The following RB1CC1 variants were observed in gnomAD, a reference collection of about 807,000 sequenced individuals.
RB1CC1 encodes RB1-inducible coiled-coil protein 1.
Under a neutral mutation model 177.5 loss-of-function variants are expected in RB1CC1, and 46 were observed. That is an observed-to-expected ratio of 0.26 (90% CI 0.20 to 0.33). RB1CC1 has a LOEUF of 0.33. RB1CC1 is among the 10% of genes least tolerant of loss of function. The pLI, the probability that RB1CC1 is intolerant of heterozygous loss-of-function variation, is 1.00. For synonymous variants in RB1CC1, 666 were observed against 613.6 expected (o/e 1.09, Z -1.26); for missense variants, 1,703 against 1,816.3 (o/e 0.94, Z 1.13).
chr8:52,627,414 G>T (rs1848473928), intron 22 of RB1CC1, among the ~76,000 whole-genome samples: 1 of 152,136 alleles, frequency 6.6e-6, no homozygotes, highest in Non-Finnish European at 1.5e-5. Flanking sequence ...AGTCCAATTA[G>T]ATTAGGAACA....
At chr8:52,650,009 T>C (rs1433571197) in intron 15 of RB1CC1, among the ~76,000 whole-genome samples, 1 of 152,230 alleles carries the variant, frequency 6.6e-6, no homozygotes, top group Non-Finnish European at 1.5e-5. Flanking sequence ...TCTGTCCATT[T>C]TTCTAACAGA....
At chr8:52,630,695 T>C (rs551300576) in intron 20 of RB1CC1, among the ~76,000 whole-genome samples, 167 bp from the exon 21 acceptor site, 2 of 152,262 alleles carry the variant, frequency 1.3e-5, no homozygotes, top group South Asian at 4.1e-4. Flanking sequence ...ATTTCAACCA[T>C]TAGTAAATTT....
chr8:52,708,468 G>C (rs553005404), intron 1 of RB1CC1, among the ~76,000 whole-genome samples: 1 of 152,186 alleles, frequency 6.6e-6, no homozygotes, highest in Non-Finnish European at 1.5e-5. Context: ...AGTAAGTTGA[G>C]ATCACACCAC....
intron 15 of RB1CC1, among the ~76,000 whole-genome samples, chr8:52,652,338 C>G (rs1004750832): frequency 6.6e-6 from 1 of 151,754 alleles, no homozygotes; most frequent in Admixed American, 6.6e-5. Context: ...TGGTGTCACG[C>G]ACCTGTAGTC....
At chr8:52,695,271 CATTT>C (rs1435148135) in intron 1 of RB1CC1, among the ~76,000 whole-genome samples, 5 of 152,296 alleles carry the variant, frequency 3.3e-5, no homozygotes, top group Middle Eastern at 3.4e-3. Flanking sequence ...TTCCATAAAA[CATTT>C]ATTCCATAGC....
rs148508938 is a variant in RB1CC1 at position 52,656,646 on chromosome 8, C to T, written c.3183G>A (p.Glu1061=). 1.8e-5 allele frequency: 29 copies of T among 1,613,894 alleles called. No individual in the cohort carries two copies. The African/African-American group carries it at 3.6e-4, about 20-fold the overall frequency. ...CTGCTTCCTTCAACGCAAGTTCAACCTCTAACTTGCATCTCGTGTCTGACA... is the reference window on the plus strand; with the variant it reads ...CTGCTTCCTTCAACGCAAGTTCAACTTCTAACTTGCATCTCGTGTCTGACA... ...SDLSDTRCKL[E]VELALKEAET... is the part of the protein sequence containing the mutation. Residue 1061 remains glutamate (E), a synonymous_variant, in exon 15 of 24, where the codon GAG becomes GAA. Coordinates refer to ENST00000025008, the MANE Select transcript of RB1CC1 (RefSeq NM_014781.5).
At chr8:52,700,629 C>T (rs2150688169) in intron 1 of RB1CC1, among the ~76,000 whole-genome samples, 1 of 152,294 alleles carries the variant, frequency 6.6e-6, no homozygotes, top group South Asian at 2.1e-4. Flanking sequence ...ATCTTATTTG[C>T]AGCCAATCCA....
rs139586081 is a variant in RB1CC1 at position 52,661,549 on chromosome 8, T to C, written c.1344A>G (p.Leu448=). ...GAATCACTTACTTCAGTCTGACATG[T>C]AGGTTATTTGCTAGTTCTTGTTTGG... is the stretch of plus-strand genomic sequence containing the variant. ...TTAKQELANN[L]HVRLKWCCFV... is the part of the protein sequence containing the mutation. Residue 448 remains leucine, a synonymous_variant, in exon 9 of 24, where the codon CTA becomes CTG. Coordinates refer to ENST00000025008, the MANE Select transcript of RB1CC1 (RefSeq NM_014781.5). The C allele has an allele frequency of 1.1e-4, 179 of 1,604,778 alleles. No individual in the cohort carries two copies. The highest frequency in any genetic ancestry group is 1.5e-4 in the Non-Finnish European group (176 of 1,176,228).
chr8:52,685,606 C>T, intron 2 of RB1CC1, 86 bp from the exon 3 acceptor site: 1 of 461,346 alleles, frequency 2.2e-6, no homozygotes, highest in South Asian at 4.6e-5. Flanking sequence ...TACAGTATTA[C>T]TATATAAATA....
At chr8:52,673,601 T>C (rs762064153) in intron 7 of RB1CC1, among the ~76,000 whole-genome samples, 6 of 152,194 alleles carry the variant, frequency 3.9e-5, no homozygotes, top group Non-Finnish European at 5.9e-5. Context: ...GTTTACTGTA[T>C]GTAAATTATT....
intron 16 of RB1CC1, 112 bp from the exon 17 acceptor site, chr8:52,642,924 T>G (rs1183081875): frequency 1.7e-6 from 2 of 1,146,384 alleles, no homozygotes; most frequent in Non-Finnish European, 2.3e-6. Flanking sequence ...ATGGAGATGA[T>G]GGGGTATGAT....
Position 52,654,011 on chromosome 8 carries a change from C to T in RB1CC1, c.3821+1997G>A, listed in dbSNP as rs549406137. Among the ~76,000 whole-genome samples, 249 of 152,318 alleles carry T rather than the reference C, an allele frequency of 1.6e-3. 3 individuals are homozygous for T. The highest frequency in any genetic ancestry group is 5.8e-3 in the African/African-American group (240 of 41,568). ...CCAAGTAAAATTCCTAAAACTCTCACTTCACGACACAGGGGAGGGAGGTTT... is the reference window on the plus strand; with the variant it reads ...CCAAGTAAAATTCCTAAAACTCTCATTTCACGACACAGGGGAGGGAGGTTT... On this transcript the variant is annotated intron_variant, in intron 15 of 23. Transcript: ENST00000025008.
intron 13 of RB1CC1, among the ~76,000 whole-genome samples, 169 bp from the exon 14 acceptor site, chr8:52,658,293 T>A (rs891880694): frequency 1.3e-5 from 2 of 152,042 alleles, no homozygotes; most frequent in African/African-American, 4.8e-5. Flanking sequence ...AAGTAAAAAC[T>A]TAGGGCCGGG....
intron 1 of RB1CC1, among the ~76,000 whole-genome samples, chr8:52,698,348 A>C (rs887676238): frequency 6.6e-6 from 1 of 151,408 alleles, no homozygotes; most frequent in Non-Finnish European, 1.5e-5. Context: ...TTTTACACGG[A>C]GTCTCGCTCT....
At position 52,630,529 on chromosome 8, in the gene RB1CC1, C is replaced by CT; in HGVS notation, c.4441-2dup. 1.3e-6 allele frequency: 2 copies of CT among 1,511,690 alleles called. No homozygotes were observed. The highest frequency in any genetic ancestry group is 2.6e-5 in the South Asian group (2 of 77,100). The allele number at this position is 1,511,690 out of a possible 1,614,324, so 93.6% of individuals were successfully genotyped here. Reference sequence around the variant, plus strand: ...ATACTGAAGACATGCTCTGAGACATCTAAAAAAAAAAAAAAAGTTTATGAA... The same window carrying CT: ...ATACTGAAGACATGCTCTGAGACATCTTAAAAAAAAAAAAAAAGTTTATGAA... On this transcript the variant is annotated splice_acceptor_variant, in intron 20 of 23. Transcript: ENST00000025008. LOFTEE classifies it high-confidence loss of function.
At chr8:52,681,533 A>G (rs188990253) in intron 5 of RB1CC1, among the ~76,000 whole-genome samples, 2 of 152,294 alleles carry the variant, frequency 1.3e-5, no homozygotes, top group Non-Finnish European at 2.9e-5. Flanking sequence ...TTCCTCACAT[A>G]ATGAATTGAT....
At position 52,645,957 on chromosome 8, in the gene RB1CC1, A is replaced by G. The variant is rs1451095249; in HGVS notation, c.3822-90T>C. ...CATATTTGGGAAATTTATCTTCCTT[A>G]AGCTCAATAATGTAGCATGAAAGAT... On this transcript the variant is annotated intron_variant, in intron 15 of 23. Coordinates refer to ENST00000025008, the MANE Select transcript of RB1CC1 (RefSeq NM_014781.5). 5.7e-6 allele frequency: 7 copies of G among 1,237,572 alleles called. No individual in the cohort carries two copies. In the East Asian group the frequency reaches 1.7e-4, roughly 29 times the overall value. The allele number at this position is 1,237,572 out of a possible 1,614,324, so 76.7% of individuals were successfully genotyped here. A position where few individuals can be genotyped will look rare whatever the true frequency, so the allele number is the denominator to read the frequency against.
At chr8:52,701,689 G>T (rs374458983) in intron 1 of RB1CC1, among the ~76,000 whole-genome samples, 1 of 151,342 alleles carries the variant, frequency 6.6e-6, no homozygotes, top group Non-Finnish European at 1.5e-5. Flanking sequence ...CACCATGCTC[G>T]GCCAGATCAT....
intron 5 of RB1CC1, among the ~76,000 whole-genome samples, chr8:52,680,992 GTGT>G (rs1391338426): frequency 2.9e-4 from 34 of 119,232 alleles, no homozygotes; most frequent in African/African-American, 1.3e-3. Context: ...GTGTGTGTGT[GTGT>G]TTTTTTTTTT....
Sources: allele counts gnomAD v4.1 joint callset (sites outside exome capture counted in the v4.1 genomes callset), GRCh38; gene constraint gnomAD v4.1.1; transcripts MANE v1.5; gene names NCBI Gene and HGNC (gene_info 2026-07-23, HGNC 2026-07-21).